ATP8A2: variants seen among roughly 807,000 people sequenced by gnomAD.
ATP8A2 encodes phospholipid-transporting ATPase IB.
ATP8A2 carries 100 observed loss-of-function variants against 165.6 expected under a neutral mutation model. The ratio of observed to expected loss-of-function variants is 0.60; its 90% CI spans 0.51 to 0.71. ATP8A2 has a LOEUF of 0.71. ATP8A2 is among the 30% of genes least tolerant of loss of function. The pLI is 0.00. For missense variants in ATP8A2, 1,227 were observed against 1,479.5 expected (o/e 0.83, Z 2.80); for synonymous variants, 543 against 548.8 (o/e 0.99, Z 0.15).
chr13:25,547,730 G>C (rs1244249627), intron 10 of ATP8A2, among the ~76,000 whole-genome samples: 5 of 152,162 alleles, frequency 3.3e-5, no homozygotes, highest in African/African-American at 1.2e-4. Context: ...CAAAAAGGTT[G>C]GGGACAGCTT....
chr13:25,570,775 C>T lies in ATP8A2; in HGVS notation c.1482C>T (p.Ala494=), dbSNP rs748331144. 6.2e-7 allele frequency: 1 copy of T among 1,613,452 alleles called. No homozygotes were observed. Among genetic ancestry groups the T allele is most frequent in the Non-Finnish European group, 8.5e-7 (1 of 1,179,590 alleles). ...LKNIEDRHPT[A]PCIQEFLTLL... The stretch of plus-strand genomic sequence containing the variant: ...CCGCCTCACGTTTGCAGCCCACAGC[C>T]CCTTGCATTCAGGAGTTCCTCACCC... The change falls in exon 17 of 37, where the codon GCC becomes GCT. Residue 494 remains alanine (A), a synonymous_variant. Transcript: ENST00000381655.
At chr13:25,817,250 G>T (rs1476196478) in intron 27 of ATP8A2, among the ~76,000 whole-genome samples, 1 of 151,640 alleles carries the variant, frequency 6.6e-6, no homozygotes, top group African/African-American at 2.4e-5. Context: ...CGAAGTCCTT[G>T]ACACAATTTG....
chr13:25,622,613 A>C (rs985339889), intron 24 of ATP8A2, among the ~76,000 whole-genome samples: 1 of 152,170 alleles, frequency 6.6e-6, no homozygotes, highest in Non-Finnish European at 1.5e-5. Flanking sequence ...TTAAGTGCTG[A>C]CAGGAGGCCA....
chr13:25,759,793 C>A lies in ATP8A2; in HGVS notation c.2385-9253C>A, dbSNP rs114096699. ...CCGGTTGATTTCAGTGACTATAAAA[C>A]TGTATATAATTCACAACATACAACC... On this transcript the variant is annotated intron_variant, in intron 25 of 36. Transcript: ENST00000381655. Among the ~76,000 whole-genome samples the A allele has an allele frequency of 6.7e-3, 1,025 of 152,250 alleles. 14 individuals carry two copies. Among genetic ancestry groups the A allele is most frequent in the African/African-American group, 0.023 (956 of 41,530 alleles).
At chr13:25,385,331 C>T (rs7321324) in intron 1 of ATP8A2, among the ~76,000 whole-genome samples, 1,988 of 152,250 alleles carry the variant, frequency 0.013, 42 homozygotes, top group African/African-American at 0.045. Context: ...CATTTTGATC[C>T]TGGCACTTAC....
intron 2 of ATP8A2, among the ~76,000 whole-genome samples, chr13:25,495,045 T>C (rs2036632708): frequency 6.6e-6 from 1 of 152,182 alleles, no homozygotes; most frequent in South Asian, 2.1e-4. Flanking sequence ...GCCAGCTACC[T>C]CCCAAACCAA....
chr13:25,474,766 G>A (rs571109820), intron 2 of ATP8A2, among the ~76,000 whole-genome samples: 4 of 151,934 alleles, frequency 2.6e-5, no homozygotes, highest in Non-Finnish European at 5.9e-5. Context: ...GTAAACTCAT[G>A]TCATAGGGGT....
chr13:25,992,398 G>C (rs1956413590), intron 35 of ATP8A2, among the ~76,000 whole-genome samples: 1 of 151,322 alleles, frequency 6.6e-6, no homozygotes, highest in South Asian at 2.1e-4. Flanking sequence ...TTTTCTAATG[G>C]GATTCTTTGT....
chr13:25,373,524 G>T (rs924477642), intron 1 of ATP8A2, among the ~76,000 whole-genome samples: 3 of 152,164 alleles, frequency 2.0e-5, no homozygotes, highest in African/African-American at 7.2e-5. Context: ...AATTTCCCAA[G>T]GTGGAGGCAG....
At chr13:25,492,717 C>T (rs937512696) in intron 2 of ATP8A2, among the ~76,000 whole-genome samples, 6 of 152,192 alleles carry the variant, frequency 3.9e-5, no homozygotes, top group African/African-American at 1.4e-4. Context: ...ATTCTGAAAT[C>T]CTGTGGTTGA....
At chr13:25,762,923 C>G (rs959636437) in intron 25 of ATP8A2, among the ~76,000 whole-genome samples, 43 of 152,146 alleles carry the variant, frequency 2.8e-4, no homozygotes, top group African/African-American at 9.4e-4. Flanking sequence ...TTTCATGATG[C>G]AGCTGATGGC....
chr13:25,562,945 A>G (rs2039203152), intron 15 of ATP8A2, among the ~76,000 whole-genome samples: 1 of 152,096 alleles, frequency 6.6e-6, no homozygotes, highest in Non-Finnish European at 1.5e-5. Context: ...TTGTGCTGCC[A>G]TTTGTTCCAC....
At chr13:25,400,011 C>T (rs2033584015) in intron 1 of ATP8A2, among the ~76,000 whole-genome samples, 1 of 12,094 alleles carries the variant, frequency 8.3e-5, no homozygotes, top group Non-Finnish European at 2.4e-4. Flanking sequence ...CAGCCTTGAA[C>T]TCTTGAGCTT....
In ATP8A2 at chr13:25,559,683, C is replaced by G. The variant is rs779947679; in HGVS notation, c.1353-38C>G. 10 of 1,558,450 alleles carry G rather than the reference C, an allele frequency of 6.4e-6. No individual in the cohort carries two copies. The Admixed American group carries it at 1.2e-4, about 18-fold the overall frequency. On this transcript the variant is annotated intron_variant, in intron 14 of 36. Coordinates refer to ENST00000381655, the MANE Select transcript of ATP8A2 (RefSeq NM_016529.6). ...GATCAGAATGTCTGTCTTTTGATCA[C>G]AGTTTTGTGACCACTCTGTTTTCCG...
At chr13:25,497,674 C>T (rs776670025) in intron 2 of ATP8A2, among the ~76,000 whole-genome samples, 16 of 152,154 alleles carry the variant, frequency 1.1e-4, no homozygotes, top group African/African-American at 2.2e-4. Context: ...GATTTTCAGC[C>T]GGGCACGGTG....
chr13:25,963,407 A>AG (rs140463601), intron 34 of ATP8A2, among the ~76,000 whole-genome samples: 1 of 42,356 alleles, frequency 2.4e-5, no homozygotes, highest in Non-Finnish European at 5.2e-5. Flanking sequence ...AAAAAAAAAA[A>AG]AAAGAAAAGA....
intron 24 of ATP8A2, among the ~76,000 whole-genome samples, chr13:25,617,570 C>T (rs1160656251): frequency 2.0e-5 from 3 of 152,066 alleles, no homozygotes; most frequent in Non-Finnish European, 2.9e-5. Flanking sequence ...CTTTTAAGTT[C>T]GGTACAGAAA....
At chr13:25,748,525 C>T (rs2044085041) in intron 25 of ATP8A2, among the ~76,000 whole-genome samples, 1 of 152,210 alleles carries the variant, frequency 6.6e-6, no homozygotes, top group Admixed American at 6.5e-5. Context: ...CCCCATCCAG[C>T]TTTCATCCTG....
chr13:25,847,040 T>A (rs4769439), intron 30 of ATP8A2, among the ~76,000 whole-genome samples: 144,096 of 152,270 alleles, frequency 0.95, 68,323 homozygotes, highest in Non-Finnish European at 0.98. Context: ...AGATTCAGAG[T>A]CAAGCATTAA....
Sources: gnomAD v4.1 joint callset for allele counts (sites outside exome capture counted in the v4.1 genomes callset) on GRCh38, gnomAD v4.1.1 for gene constraint, MANE v1.5 for transcripts, NCBI Gene and HGNC (gene_info 2026-07-23, HGNC 2026-07-21) for gene names.